Variants in SLC10A2 observed in about 807,000 individuals in gnomAD.
SLC10A2 encodes solute carrier family 10 member 2.
Under a neutral mutation model 27.1 loss-of-function variants are expected in SLC10A2, and 34 were observed. The observed-to-expected ratio is 1.26, with a 90% confidence interval of 0.96 to 1.67. The LOEUF (loss-of-function observed/expected upper bound fraction) is 1.67, where lower values mean the gene tolerates loss of function less well. SLC10A2 is among the 40% of genes most tolerant of loss of function. The probability of loss-of-function intolerance (pLI) is 0.00; values close to 1 mark genes in which losing one functional copy is unlikely to be tolerated. For missense variants in SLC10A2, 530 were observed against 444.4 expected (o/e 1.19, Z -1.73); for synonymous variants, 205 against 174.0 (o/e 1.18, Z -1.40).
chr13:103,046,700 T>G (rs1320843895), intron 5 of SLC10A2, among the ~76,000 whole-genome samples: 2 of 152,234 alleles, frequency 1.3e-5, no homozygotes, highest in African/African-American at 4.8e-5. Context: ...ATTCCCTCCC[T>G]GCCTTCATTC....
In SLC10A2 at chr13:103,066,229, A is replaced by C. The variant is rs762292444; in HGVS notation, c.21T>G (p.Cys7Trp). Reference sequence around the variant, plus strand: ...CAGAGCAAACTGTTGCATTGTCCACACAGCTGTTCGGATCATTCATTGCTG... The same window carrying C: ...CAGAGCAAACTGTTGCATTGTCCACCCAGCTGTTCGGATCATTCATTGCTG... MNDPNS[C>W]VDNATVCSGA... Residue 7 changes from cysteine to tryptophan, a missense_variant, in exon 1 of 6, where the codon TGT (cysteine) becomes TGG (tryptophan). Cys to Trp is a radical substitution (Grantham distance 215, BLOSUM62 -2). Transcript: ENST00000245312. 6.2e-7 allele frequency: 1 copy of C among 1,608,936 alleles called. No individual in the cohort carries two copies. Among genetic ancestry groups the C allele is most frequent in the African/African-American group, 1.3e-5 (1 of 74,954 alleles).
At chr13:103,050,979 C>A (rs1875760491) in intron 4 of SLC10A2, among the ~76,000 whole-genome samples, 1 of 152,162 alleles carries the variant, frequency 6.6e-6, no homozygotes, top group Non-Finnish European at 1.5e-5. Context: ...AAAAGGGGAG[C>A]CAGGCCACAG....
At chr13:103,053,332 G>A (rs543850456) in intron 2 of SLC10A2, among the ~76,000 whole-genome samples, 6 of 152,260 alleles carry the variant, frequency 3.9e-5, no homozygotes, top group South Asian at 4.1e-4. Flanking sequence ...TTGAGAAAGC[G>A]TGCTTTAAAT....
chr13:103,052,628 T>C lies in SLC10A2; in HGVS notation c.577A>G (p.Ile193Val), dbSNP rs150921081. The C allele has an allele frequency of 6.2e-7, 1 of 1,604,934 alleles. No homozygotes were observed. The highest frequency in any genetic ancestry group is 8.5e-7 in the Non-Finnish European group (1 of 1,171,814). ...TGAACTGGGATACTTACTTTAAGTA[T>C]GATCTTTGCTTTTTGGGGCCATTTG... ...NHKWPQKAKI[I>V]LKIGSIAGAI... The change falls in exon 3 of 6, where the codon ATA (isoleucine) becomes GTA (valine). Residue 193 changes from isoleucine to valine, a missense_variant. Transcript: ENST00000245312.
intron 2 of SLC10A2, among the ~76,000 whole-genome samples, chr13:103,052,945 G>T (rs1479998419): frequency 6.6e-6 from 1 of 152,060 alleles, no homozygotes; most frequent in Non-Finnish European, 1.5e-5. Flanking sequence ...TATCAATGCT[G>T]TAAATTCTTT....
intron 1 of SLC10A2, among the ~76,000 whole-genome samples, 175 bp from the exon 2 acceptor site, chr13:103,058,557 G>A (rs566646766): frequency 2.4e-4 from 37 of 152,190 alleles, no homozygotes; most frequent in South Asian, 4.2e-4. Context: ...TCATTGCCTA[G>A]GTATTAAGCC....
chr13:103,066,205 A>G lies in SLC10A2; in HGVS notation c.45T>C (p.Ser15=), dbSNP rs374581163. The change falls in exon 1 of 6, where the codon TCT becomes TCC. Residue 15 remains serine, a synonymous_variant. Transcript: ENST00000245312. ...NSCVDNATVC[S]GASCVVPESN... is the part of the protein sequence containing the mutation. ...TCTCAGGTACCACACAGGATGCACC[A>G]GAGCAAACTGTTGCATTGTCCACAC... The G allele has an allele frequency of 1.2e-5, 20 of 1,613,796 alleles. No individual in the cohort carries two copies. In the East Asian group the frequency reaches 3.6e-4, roughly 29 times the overall value.
intron 3 of SLC10A2, 111 bp downstream of exon 3, chr13:103,052,509 C>A: frequency 1.2e-6 from 1 of 804,170 alleles, no homozygotes; most frequent in South Asian, 1.4e-5. Context: ...GACTTCAGGC[C>A]CCCACTCAAC....
intron 4 of SLC10A2, 138 bp downstream of exon 4, chr13:103,051,119 G>T: frequency 2.4e-6 from 2 of 823,178 alleles, no homozygotes; most frequent in East Asian, 2.6e-5. Flanking sequence ...TTCACTTCTA[G>T]TCTCTGAAAC....
At position 103,058,411 on chromosome 13, in the gene SLC10A2, C is replaced by T. The variant is rs199683815; in HGVS notation, c.378-29G>A. On this transcript the variant is annotated intron_variant, in intron 1 of 5. Coordinates refer to ENST00000245312, the MANE Select transcript of SLC10A2 (RefSeq NM_000452.3). ...AAAGGCAATGGGCAGATTGATACATCCACCTGTGGTGTTCTAGGGAAGATG... is the reference window on the plus strand; with the variant it reads ...AAAGGCAATGGGCAGATTGATACATTCACCTGTGGTGTTCTAGGGAAGATG... 26 of 1,284,002 alleles carry T rather than the reference C, an allele frequency of 2.0e-5. No individual in the cohort carries two copies. The South Asian group carries it at 2.4e-4, about 12-fold the overall frequency. The allele number at this position is 1,284,002 out of a possible 1,614,324, so 79.5% of individuals were successfully genotyped here. A position where few individuals can be genotyped will look rare whatever the true frequency, so the allele number is the denominator to read the frequency against.
chr13:103,049,034 G>T (rs1191628642), intron 5 of SLC10A2, among the ~76,000 whole-genome samples: 3 of 152,174 alleles, frequency 2.0e-5, no homozygotes, highest in Admixed American at 2.0e-4. Flanking sequence ...CCTTATTACT[G>T]AGGAAAAGAA....
chr13:103,052,662 A>T lies in SLC10A2; in HGVS notation c.543T>A (p.Phe181Leu), dbSNP rs1875820252. The T allele has an allele frequency of 6.2e-7, 1 of 1,612,508 alleles. No individual in the cohort carries two copies. The highest frequency in any genetic ancestry group is 8.5e-7 in the Non-Finnish European group (1 of 1,178,566). ...SLVVPVSIGMFVNHKWPQKAK... is the reference protein window; with the variant it reads ...SLVVPVSIGMLVNHKWPQKAK... ...CTTTTTGGGGCCATTTGTGATTAACAAACATTCCAATGGAAACAGGAACAA... is the reference window on the plus strand; with the variant it reads ...CTTTTTGGGGCCATTTGTGATTAACTAACATTCCAATGGAAACAGGAACAA... Residue 181 changes from phenylalanine (F) to leucine (L), a missense_variant, in exon 3 of 6, where the codon TTT becomes TTA. By Grantham distance (22) the Phe-to-Leu change is conservative. Coordinates refer to ENST00000245312, the MANE Select transcript of SLC10A2 (RefSeq NM_000452.3).
chr13:103,051,033 C>G (rs1209111434), intron 4 of SLC10A2, among the ~76,000 whole-genome samples: 1 of 152,084 alleles, frequency 6.6e-6, no homozygotes. Flanking sequence ...TGGATGTCTG[C>G]AAGCCACGAG....
intron 5 of SLC10A2, among the ~76,000 whole-genome samples, chr13:103,048,036 AG>A (rs1183251685): frequency 6.6e-6 from 1 of 152,128 alleles, no homozygotes; most frequent in East Asian, 1.9e-4. Context: ...CTCTGCTTTG[AG>A]AATGACATTC....
rs1193102070 is a variant in SLC10A2 at position 103,066,037 on chromosome 13, G to C, written c.213C>G (p.Gly71=). ...GCATGATTCCAAACTGACAGAGGAA[G>C]CCAACACAAATGCCCCACGGCCGCT... ...HIKRPWGICV[G]FLCQFGIMPL... is the part of the protein sequence containing the mutation. Residue 71 remains glycine, a synonymous_variant, in exon 1 of 6, where the codon GGC becomes GGG. Coordinates refer to ENST00000245312, the MANE Select transcript of SLC10A2 (RefSeq NM_000452.3). 1 of 1,613,792 alleles carries C rather than the reference G, an allele frequency of 6.2e-7. No homozygotes were observed. The highest frequency in any genetic ancestry group is 8.5e-7 in the Non-Finnish European group (1 of 1,179,866).
chr13:103,051,094 A>G (rs1290295905), intron 4 of SLC10A2, among the ~76,000 whole-genome samples, 163 bp downstream of exon 4: 1 of 152,214 alleles, frequency 6.6e-6, no homozygotes, highest in Non-Finnish European at 1.5e-5. Flanking sequence ...GAATCAATTC[A>G]GTGACACCTT....
At chr13:103,051,496 T>C in intron 3 of SLC10A2, 64 bp from the exon 4 acceptor site, 1 of 1,566,232 alleles carries the variant, frequency 6.4e-7, no homozygotes, top group Non-Finnish European at 8.7e-7. Context: ...AGTATGTTTG[T>C]CAGAGACAAA....
At chr13:103,052,287 T>C (rs1382307747) in intron 3 of SLC10A2, among the ~76,000 whole-genome samples, 1 of 152,136 alleles carries the variant, frequency 6.6e-6, no homozygotes, top group Non-Finnish European at 1.5e-5. Flanking sequence ...GTGGAGTGTC[T>C]TAAAGAATGG....
At chr13:103,050,944 T>G (rs541530210) in intron 4 of SLC10A2, among the ~76,000 whole-genome samples, 10 of 152,124 alleles carry the variant, frequency 6.6e-5, no homozygotes, top group Non-Finnish European at 1.5e-4. Context: ...GAGGAGGCCC[T>G]TATCCAATGA....
Sources: gnomAD v4.1 joint callset for allele counts (sites outside exome capture counted in the v4.1 genomes callset) on GRCh38, gnomAD v4.1.1 for gene constraint, MANE v1.5 for transcripts, NCBI Gene and HGNC (gene_info 2026-07-23, HGNC 2026-07-21) for gene names.